Variants in NOTCH2 observed in about 807,000 individuals in gnomAD.
The protein encoded by NOTCH2 is notch receptor 2.
A neutral mutation model predicts 235.8 loss-of-function variants in NOTCH2; 29 were observed. That is an observed-to-expected ratio of 0.12 (90% CI 0.09 to 0.17). The LOEUF (loss-of-function observed/expected upper bound fraction) is 0.17. Ranked by LOEUF, NOTCH2 falls within the 10% of genes least tolerant of loss-of-function variation. The probability of loss-of-function intolerance (pLI) is 1.00; values close to 1 mark genes in which losing one functional copy is unlikely to be tolerated. For missense variants in NOTCH2, 2,285 were observed against 3,150.2 expected (o/e 0.73, Z 6.57); for synonymous variants, 1,086 against 1,141.5 (o/e 0.95, Z 0.98).
At chr1:119,961,568 G>T (rs1650938030) in intron 11 of NOTCH2, among the ~76,000 whole-genome samples, 1 of 152,192 alleles carries the variant, frequency 6.6e-6, no homozygotes, top group Non-Finnish European at 1.5e-5. Context: ...CAATTGCTTG[G>T]AATCTATAAG....
At chr1:120,063,036 G>A (rs1407595799) in intron 1 of NOTCH2, among the ~76,000 whole-genome samples, 10 of 151,444 alleles carry the variant, frequency 6.6e-5, no homozygotes, top group Non-Finnish European at 1.5e-4. Context: ...ACCACTACCA[G>A]TGATGCAGTT....
rs61752485 is a variant in NOTCH2 at position 119,937,989 on chromosome 1, G to T, written c.3205C>A (p.Arg1069=). The T allele has an allele frequency of 1.5e-4, 246 of 1,614,012 alleles. No homozygotes were observed. The highest frequency in any genetic ancestry group is 1.9e-4 in the Non-Finnish European group (227 of 1,180,016). ...NCQTLVNLCS[R]SPCKNKGTCV... ...GTACCTTTGTTTTTACATGGAGACC[G>T]ACTGCAGAGATTCACCAGGGTCTGA... Residue 1069 remains arginine, a synonymous_variant, in exon 20 of 34, where the codon CGG becomes AGG. Transcript: ENST00000256646.
intron 12 of NOTCH2, among the ~76,000 whole-genome samples, chr1:119,955,951 T>C (rs1488690340): frequency 6.6e-6 from 1 of 152,212 alleles, no homozygotes; most frequent in African/African-American, 2.4e-5. Flanking sequence ...TCACCATAGA[T>C]TGTGATGAAT....
chr1:119,975,213 A>G (rs1651524326), intron 5 of NOTCH2, among the ~76,000 whole-genome samples: 1 of 150,778 alleles, frequency 6.6e-6, no homozygotes, highest in Non-Finnish European at 1.5e-5. Flanking sequence ...TCAGAGTGCT[A>G]CAAGTGAAGA....
At chr1:120,016,004 AG>A (rs1653437387) in intron 2 of NOTCH2, among the ~76,000 whole-genome samples, 1 of 130,098 alleles carries the variant, frequency 7.7e-6, no homozygotes, top group Non-Finnish European at 1.6e-5. Flanking sequence ...CTCAGCAAGA[AG>A]GAAAAACAAA....
At chr1:120,045,462 A>G in intron 1 of NOTCH2, among the ~76,000 whole-genome samples, 1 of 114,898 alleles carries the variant, frequency 8.7e-6, no homozygotes, top group East Asian at 2.0e-4. Context: ...GTTAAGGTGG[A>G]AAGACTTTAA....
At chr1:120,015,055 A>C (rs1163374358) in intron 2 of NOTCH2, among the ~76,000 whole-genome samples, 10 of 151,598 alleles carry the variant, frequency 6.6e-5, no homozygotes, top group African/African-American at 2.4e-4. Flanking sequence ...AACAACAACA[A>C]AGCAAAATCC....
chr1:119,948,960 T>C, intron 16 of NOTCH2, 47 bp downstream of exon 16: 1 of 1,613,636 alleles, frequency 6.2e-7, no homozygotes, highest in Non-Finnish European at 8.5e-7. Flanking sequence ...CCACTTTGTT[T>C]AAAGTCAGAA....
chr1:119,950,601 C>T (rs782659673), intron 15 of NOTCH2, 123 bp downstream of exon 15: 2 of 750,644 alleles, frequency 2.7e-6, no homozygotes, highest in Non-Finnish European at 4.9e-6. Flanking sequence ...GCAGGAAGGA[C>T]AACTGAGGAG....
At chr1:120,001,693 G>C (rs1183401842) in intron 3 of NOTCH2, among the ~76,000 whole-genome samples, 2 of 152,162 alleles carry the variant, frequency 1.3e-5, no homozygotes, top group African/African-American at 4.8e-5. Context: ...ACTTACTCTG[G>C]ATATGGGTTT....
At chr1:120,015,166 A>G (rs1347846329) in intron 2 of NOTCH2, among the ~76,000 whole-genome samples, 5 of 152,214 alleles carry the variant, frequency 3.3e-5, no homozygotes, top group African/African-American at 4.8e-5. Context: ...CGAAGGGGAA[A>G]AAAAGTCTCA....
At chr1:119,948,910 A>G (rs782803889) in intron 16 of NOTCH2, 97 bp downstream of exon 16, 5 of 1,486,680 alleles carry the variant, frequency 3.4e-6, no homozygotes, top group Non-Finnish European at 3.8e-6. Context: ...GACAGGCCTC[A>G]TAAGACCAGC....
At chr1:120,000,823 C>G (rs587605789) in intron 3 of NOTCH2, among the ~76,000 whole-genome samples, 1 of 152,146 alleles carries the variant, frequency 6.6e-6, no homozygotes, top group Non-Finnish European at 1.5e-5. Flanking sequence ...ATACCATCAT[C>G]GTCATGATGG....
At position 119,914,053 on chromosome 1, in the gene NOTCH2, C is replaced by T. The variant is rs2101139515; in HGVS notation, c.*1253G>A. ...AGCAAGATAATCAGTAGAGACTGAT[C>T]ATCTGACAAACGGAAGACAACTGTC... On this transcript the variant is annotated 3_prime_UTR_variant, in exon 34 of 34. Transcript: ENST00000256646. 1 of 233,282 alleles carries T rather than the reference C, an allele frequency of 4.3e-6. No individual in the cohort carries two copies. The highest frequency in any genetic ancestry group is 5.6e-5 in the Admixed American group (1 of 17,804). 14.5% of individuals were successfully genotyped at this position (233,282 alleles called of 1,614,324 possible). A position where few individuals can be genotyped will look rare whatever the true frequency, so the allele number is the denominator to read the frequency against.
rs587730274 is a variant in NOTCH2, at chr1:119,918,064, T to G, written c.5930-302A>C. On this transcript the variant is annotated intron_variant, in intron 32 of 33. Coordinates refer to ENST00000256646, the MANE Select transcript of NOTCH2 (RefSeq NM_024408.4). Reference sequence around the variant, plus strand: ...AAGATAAAAACCTATATATTACATGTCAGAATTTATATTGAGAATATTCTA... The same window carrying G: ...AAGATAAAAACCTATATATTACATGGCAGAATTTATATTGAGAATATTCTA... Among the ~76,000 whole-genome samples the G allele has an allele frequency of 5.3e-5, 8 of 152,262 alleles. 1 individual carries two copies. In the South Asian group the frequency reaches 1.5e-3, roughly 28 times the overall value.
rs782475359 is a variant in NOTCH2, at chr1:120,005,460, C to G, written c.284G>C (p.Gly95Ala). 6.2e-7 allele frequency: 1 copy of G among 1,613,704 alleles called. No homozygotes were observed. Among genetic ancestry groups the G allele is most frequent in the African/African-American group, 1.3e-5 (1 of 74,892 alleles). ...GTACTGGCAGTCCTCTCCTGTAAAC[C>G]CTGAGGCACATCGGCACGTGGCTTT... ...LGKATCRCAS[G>A]FTGEDCQYST... Residue 95 changes from glycine (G) to alanine (A), a missense_variant, in exon 3 of 34, where the codon GGG becomes GCG. This residue lies in a region of NOTCH2 where 431 missense variants were observed against 757.8 expected (regional missense o/e 0.57). Coordinates refer to ENST00000256646, the MANE Select transcript of NOTCH2 (RefSeq NM_024408.4).
rs376719442 is a variant in NOTCH2 at position 119,949,547 on chromosome 1, C to T, written c.2480-421G>A. Among the ~76,000 whole-genome samples the T allele has an allele frequency of 2.5e-4, 38 of 152,048 alleles. 2 individuals carry two copies. The South Asian group carries it at 6.5e-3, about 26-fold the overall frequency. Reference sequence around the variant, plus strand: ...GACTACAGGCACCCACCACGACGCCCGGCTAATTTTTTATATTTTTAGTAG... The same window carrying T: ...GACTACAGGCACCCACCACGACGCCTGGCTAATTTTTTATATTTTTAGTAG... On this transcript the variant is annotated intron_variant, in intron 15 of 33. Coordinates refer to ENST00000256646, the MANE Select transcript of NOTCH2 (RefSeq NM_024408.4).
intron 1 of NOTCH2, among the ~76,000 whole-genome samples, chr1:120,046,285 C>A (rs1553213609): frequency 1.8e-5 from 1 of 56,812 alleles, no homozygotes; most frequent in African/African-American, 8.3e-5. Context: ...TGGAAGACAC[C>A]TCTGGCTAAC....
intron 12 of NOTCH2, 36 bp downstream of exon 12, chr1:119,959,356 G>A (rs1007461532): frequency 1.8e-6 from 2 of 1,086,938 alleles, no homozygotes; most frequent in Non-Finnish European, 2.9e-6. Flanking sequence ...AAGTGATAGG[G>A]CTGAAGGAGG....
Sources: allele counts gnomAD v4.1 joint callset (sites outside exome capture counted in the v4.1 genomes callset), GRCh38; gene constraint gnomAD v4.1.1; regional missense constraint gnomAD v4.1.1; transcripts MANE v1.5; gene names NCBI Gene and HGNC (gene_info 2026-07-23, HGNC 2026-07-21).